SLA: variants seen among roughly 807,000 people sequenced by gnomAD.
SLA encodes the protein src-like-adapter.
A neutral mutation model predicts 30.3 loss-of-function variants in SLA; 16 were observed. That is an observed-to-expected ratio of 0.53 (90% confidence interval 0.36 to 0.80). The LOEUF is 0.80. SLA is among the 30% of genes least tolerant of loss of function. The pLI, the probability that SLA is intolerant of heterozygous loss-of-function variation, is 0.01. For missense variants in SLA, 310 were observed against 345.2 expected (o/e 0.90, Z 0.81); for synonymous variants, 143 against 137.8 (o/e 1.04, Z -0.26).
intron 2 of SLA, among the ~76,000 whole-genome samples, chr8:133,061,090 C>T (rs1842308071): frequency 6.6e-6 from 1 of 152,236 alleles, no homozygotes; most frequent in South Asian, 2.1e-4. Flanking sequence ...CGGCTCACTG[C>T]AACCCTGCCT....
intron 2 of SLA, chr8:133,064,238 T>C (rs369658039): frequency 1.2e-4 from 19 of 152,344 alleles, no homozygotes; most frequent in African/African-American, 4.6e-4. Flanking sequence ...ATAACCCCAT[T>C]TAATTTTAGC....
intron 1 of SLA, among the ~76,000 whole-genome samples, chr8:133,086,350 G>A (rs1486761064): frequency 1.3e-5 from 2 of 152,188 alleles, no homozygotes; most frequent in Non-Finnish European, 2.9e-5. Context: ...TCTGTGGTAT[G>A]TGAATTATAT....
chr8:133,054,242 G>C (rs965222269), intron 3 of SLA, among the ~76,000 whole-genome samples: 1 of 152,160 alleles, frequency 6.6e-6, no homozygotes, highest in Non-Finnish European at 1.5e-5. Flanking sequence ...GAGAAGAGGA[G>C]AGTTGAGGAA....
chr8:133,091,507 C>T (rs1372674266), intron 1 of SLA, among the ~76,000 whole-genome samples: 3 of 152,130 alleles, frequency 2.0e-5, no homozygotes, highest in Admixed American at 1.3e-4. Flanking sequence ...TCTGGGGAGG[C>T]TGCCTGAGGG....
At chr8:133,071,963 A>G (rs1487986058) in intron 2 of SLA, among the ~76,000 whole-genome samples, 25 of 152,198 alleles carry the variant, frequency 1.6e-4, no homozygotes. Flanking sequence ...GACTGAAGGT[A>G]TTGTATATAA....
chr8:133,093,138 T>C (rs1847836478), intron 1 of SLA, among the ~76,000 whole-genome samples: 1 of 70,386 alleles, frequency 1.4e-5, no homozygotes, highest in Admixed American at 1.1e-4. Context: ...TCTTTTCTTT[T>C]CTTTTTTTTT....
intron 1 of SLA, among the ~76,000 whole-genome samples, chr8:133,077,056 A>G (rs1328990518): frequency 6.6e-6 from 1 of 152,182 alleles, no homozygotes; most frequent in Non-Finnish European, 1.5e-5. Flanking sequence ...GCTACTTTGC[A>G]CAGGTGGCCA....
At chr8:133,062,573 A>C (rs548369515) in intron 2 of SLA, among the ~76,000 whole-genome samples, 11 of 152,372 alleles carry the variant, frequency 7.2e-5, no homozygotes, top group Admixed American at 6.5e-4. Flanking sequence ...AAGAGGGAAG[A>C]GGCAAACCAG....
chr8:133,094,948 A>G, intron 1 of SLA: 1 of 1,561,200 alleles, frequency 6.4e-7, no homozygotes, highest in Non-Finnish European at 8.8e-7. Flanking sequence ...AGCTTGGAGG[A>G]AGGATGCAGA....
chr8:133,057,787 A>AAC (rs1841728574), intron 3 of SLA, among the ~76,000 whole-genome samples: 1 of 149,090 alleles, frequency 6.7e-6, no homozygotes, highest in Non-Finnish European at 1.5e-5. Context: ...AAAAAAAAAA[A>AAC]CAAAAAAACA....
chr8:133,091,588 GTC>G (rs1847538070), intron 1 of SLA, among the ~76,000 whole-genome samples: 1 of 152,094 alleles, frequency 6.6e-6, no homozygotes, highest in African/African-American at 2.4e-5. Flanking sequence ...GTGTGTATGT[GTC>G]TGAGTGTGTG....
chr8:133,079,836 C>T (rs1277509062), intron 1 of SLA, among the ~76,000 whole-genome samples: 1 of 152,002 alleles, frequency 6.6e-6, no homozygotes, highest in East Asian at 1.9e-4. Context: ...CAAGGCATGA[C>T]ACTTGGTGCT....
At chr8:133,039,044 AT>A (rs1294530649) in intron 8 of SLA, among the ~76,000 whole-genome samples, 8 of 152,008 alleles carry the variant, frequency 5.3e-5, no homozygotes, top group African/African-American at 1.2e-4. Context: ...CGCCCAGCTA[AT>A]TTTTTGTATT....
intron 5 of SLA, 133 bp downstream of exon 5, chr8:133,049,769 G>T: frequency 1.4e-6 from 1 of 695,342 alleles, no homozygotes; most frequent in Non-Finnish European, 2.6e-6. Flanking sequence ...TATTGACTGG[G>T]TTGGGAGCAG....
chr8:133,096,058 C>T, intron 1 of SLA: 1 of 926,956 alleles, frequency 1.1e-6, no homozygotes, highest in Non-Finnish European at 1.7e-6. Flanking sequence ...CACATGGTGT[C>T]CTGCCTGCCA....
intron 3 of SLA, among the ~76,000 whole-genome samples, chr8:133,051,549 C>A (rs945670202): frequency 6.6e-6 from 1 of 151,914 alleles, no homozygotes; most frequent in Admixed American, 6.6e-5. Flanking sequence ...TTAATAGGGA[C>A]ATTTGTTGAG....
At chr8:133,094,263 T>A (rs7013643) in intron 1 of SLA, among the ~76,000 whole-genome samples, 1 of 144,082 alleles carries the variant, frequency 6.9e-6, no homozygotes, top group Non-Finnish European at 1.5e-5. Context: ...TTTTTTTTGA[T>A]GGAGTCTTGC....
chr8:133,051,435 C>T (rs1285489502), intron 3 of SLA, among the ~76,000 whole-genome samples: 1 of 152,008 alleles, frequency 6.6e-6, no homozygotes. Context: ...GAGTGTGAGG[C>T]AAAATGAGTT....
intron 1 of SLA, among the ~76,000 whole-genome samples, chr8:133,088,647 G>A (rs552979966): frequency 1.2e-4 from 19 of 152,182 alleles, no homozygotes; most frequent in African/African-American, 2.9e-4. Context: ...AAACACACAC[G>A]CACTTTTTAT....
Sources: allele counts gnomAD v4.1 joint callset (sites outside exome capture counted in the v4.1 genomes callset), GRCh38; gene constraint gnomAD v4.1.1; transcripts MANE v1.5; gene names NCBI Gene and HGNC (gene_info 2026-07-23, HGNC 2026-07-21).